The following GRM8 variants were observed in gnomAD, a reference collection of about 807,000 sequenced individuals.
The protein encoded by GRM8 is metabotropic glutamate receptor 8.
Under a neutral mutation model 87.2 loss-of-function variants are expected in GRM8, and 47 were observed. That is an observed-to-expected ratio of 0.54 (90% CI 0.43 to 0.69). The LOEUF (loss-of-function observed/expected upper bound fraction) is 0.69. Ranked by LOEUF, GRM8 falls within the 30% of genes least tolerant of loss-of-function variation. The pLI, the probability that GRM8 is intolerant of heterozygous loss-of-function variation, is 0.00. For missense variants in GRM8, 1,019 were observed against 1,139.2 expected (o/e 0.89, Z 1.52); for synonymous variants, 396 against 404.5 (o/e 0.98, Z 0.25).
chr7:126,902,746 A>G (rs1802225099), intron 5 of GRM8, 67 bp from the exon 6 acceptor site: 1 of 1,131,578 alleles, frequency 8.8e-7, no homozygotes, highest in East Asian at 2.5e-5. Context: ...GAACTTTCGA[A>G]TGGACATTAT....
At chr7:126,688,497 C>T (rs1808413147) in intron 7 of GRM8, among the ~76,000 whole-genome samples, 2 of 151,938 alleles carry the variant, frequency 1.3e-5, no homozygotes, top group African/African-American at 2.4e-5. Flanking sequence ...CATAGTTTCG[C>T]TTAGAATAAA....
intron 9 of GRM8, among the ~76,000 whole-genome samples, chr7:126,457,621 C>T (rs1197231477): frequency 6.6e-6 from 1 of 150,978 alleles, no homozygotes; most frequent in Non-Finnish European, 1.5e-5. Context: ...AAAAGAAAAA[C>T]AATGGAAATT....
intron 6 of GRM8, among the ~76,000 whole-genome samples, chr7:126,775,479 G>GTTTTTTTTTTTTGT (rs1819334726): frequency 9.5e-5 from 10 of 104,748 alleles, no homozygotes; most frequent in African/African-American, 3.9e-4. Context: ...TGACAAATAG[G>GTTTTTTTTTTTTGT]TTTTTTTTTT....
intron 7 of GRM8, among the ~76,000 whole-genome samples, chr7:126,747,548 G>A (rs562690040): frequency 6.1e-4 from 92 of 152,012 alleles, no homozygotes; most frequent in South Asian, 2.3e-3. Flanking sequence ...ACTCTCTTTT[G>A]CCTACACTAT....
intron 2 of GRM8, among the ~76,000 whole-genome samples, chr7:127,142,799 G>T (rs1377144145): frequency 6.6e-6 from 1 of 152,102 alleles, no homozygotes. Flanking sequence ...CATGTGCCAA[G>T]TACTTCTCTA....
intron 2 of GRM8, among the ~76,000 whole-genome samples, chr7:127,189,954 C>A (rs1473749467): frequency 1.3e-5 from 2 of 152,198 alleles, no homozygotes; most frequent in African/African-American, 2.4e-5. Context: ...TAACAAAGAG[C>A]CACAAAAACC....
At chr7:126,774,468 T>C (rs1819197876) in intron 6 of GRM8, among the ~76,000 whole-genome samples, 1 of 152,184 alleles carries the variant, frequency 6.6e-6, no homozygotes, top group Admixed American at 6.6e-5. Context: ...GATTGTAAAG[T>C]TGTGATGTGT....
intron 8 of GRM8, among the ~76,000 whole-genome samples, chr7:126,538,315 T>C (rs762068771): frequency 3.3e-5 from 5 of 152,148 alleles, no homozygotes; most frequent in Non-Finnish European, 4.4e-5. Flanking sequence ...AAAAAGAATA[T>C]AATTTTTAGA....
At chr7:126,861,989 G>C (rs1336309877) in intron 6 of GRM8, among the ~76,000 whole-genome samples, 1 of 151,522 alleles carries the variant, frequency 6.6e-6, no homozygotes, top group South Asian at 2.1e-4. Flanking sequence ...TTTGGGTTTT[G>C]TTTGTTTGTT....
chr7:127,094,051 A>T (rs1824410847), intron 3 of GRM8, among the ~76,000 whole-genome samples: 1 of 152,198 alleles, frequency 6.6e-6, no homozygotes. Flanking sequence ...GAGAAAATAC[A>T]CTCCTAATTC....
chr7:126,999,879 C>G (rs1813550144), intron 3 of GRM8, among the ~76,000 whole-genome samples: 1 of 151,722 alleles, frequency 6.6e-6, no homozygotes, highest in South Asian at 2.1e-4. Flanking sequence ...GAAATCCCAC[C>G]CCTGGGTATA....
At chr7:127,071,420 C>T (rs1759637879) in intron 3 of GRM8, among the ~76,000 whole-genome samples, 1 of 152,124 alleles carries the variant, frequency 6.6e-6, no homozygotes, top group Non-Finnish European at 1.5e-5. Flanking sequence ...TGATTTAAGA[C>T]CACCTCACCC....
In GRM8 at chr7:126,446,375, G is replaced by A. The variant is rs1477953757; in HGVS notation, c.2431-3C>T. Reference sequence around the variant, plus strand: ...AGTGTTGTTGTCTGGATGTACATCTGAGGGAAGAAAAAAAAAAGAATCACT... The same window carrying A: ...AGTGTTGTTGTCTGGATGTACATCTAAGGGAAGAAAAAAAAAAGAATCACT... On this transcript the variant is annotated splice_polypyrimidine_tract_variant and splice_region_variant and intron_variant, in intron 9 of 10. Coordinates refer to ENST00000339582, the MANE Select transcript of GRM8 (RefSeq NM_000845.3). The A allele has an allele frequency of 4.5e-6, 7 of 1,572,264 alleles. No individual in the cohort carries two copies. The Admixed American group carries it at 7.3e-5, about 16-fold the overall frequency.
chr7:126,635,443 T>C (rs1339268095), intron 7 of GRM8, among the ~76,000 whole-genome samples: 1 of 152,164 alleles, frequency 6.6e-6, no homozygotes, highest in Non-Finnish European at 1.5e-5. Context: ...ATTAAACTCA[T>C]ACGACCCTTT....
At chr7:127,009,782 C>T (rs1156452917) in intron 3 of GRM8, among the ~76,000 whole-genome samples, 1 of 151,834 alleles carries the variant, frequency 6.6e-6, no homozygotes, top group Admixed American at 6.6e-5. Flanking sequence ...AGTCATTCTC[C>T]TTTAAATTCT....
chr7:126,954,809 T>C lies in GRM8; in HGVS notation c.728-50126A>G, dbSNP rs568640142. Among the ~76,000 whole-genome samples, 4 of 152,328 alleles carry C rather than the reference T, an allele frequency of 2.6e-5. No homozygotes were observed. In the South Asian group the frequency reaches 8.3e-4, roughly 32 times the overall value. ...TGCTTTTATTGTAATTACTGCAGTA[T>C]TACTGTTTGCATTAAAAATATTTGT... is the stretch of plus-strand genomic sequence containing the variant. On this transcript the variant is annotated intron_variant, in intron 3 of 10. Transcript: ENST00000339582.
At chr7:126,534,003 A>G (rs1815277569) in intron 8 of GRM8, 116 bp from the exon 9 acceptor site, 1 of 750,778 alleles carries the variant, frequency 1.3e-6, no homozygotes, top group Non-Finnish European at 2.1e-6. Flanking sequence ...ACAGTTTACC[A>G]TAATAAGAGT....
chr7:126,611,229 C>G (rs995860448), intron 7 of GRM8, among the ~76,000 whole-genome samples: 4 of 152,142 alleles, frequency 2.6e-5, no homozygotes, highest in Non-Finnish European at 5.9e-5. Flanking sequence ...CCAAACCTGA[C>G]CAAAACCTTT....
intron 8 of GRM8, among the ~76,000 whole-genome samples, chr7:126,564,102 T>G (rs8180772): frequency 0.31 from 47,006 of 152,126 alleles, 8,144 homozygotes; most frequent in East Asian, 0.44. Context: ...CCCACCTCCA[T>G]GTGAAAAAGA....
Sources: allele counts gnomAD v4.1 joint callset (sites outside exome capture counted in the v4.1 genomes callset), GRCh38; gene constraint gnomAD v4.1.1; transcripts MANE v1.5; gene names NCBI Gene and HGNC (gene_info 2026-07-23, HGNC 2026-07-21).